Variants in LPGAT1 observed in about 807,000 individuals in gnomAD.
The protein encoded by LPGAT1 is lysophosphatidylglycerol acyltransferase 1.
Under a neutral mutation model 47.5 loss-of-function variants are expected in LPGAT1, and 11 were observed. The observed-to-expected ratio is 0.23, with a 90% confidence interval of 0.15 to 0.38. LPGAT1 has a LOEUF of 0.38. Among genes scored for constraint, LPGAT1 ranks in the 10% least tolerant of loss-of-function variants. LPGAT1 has a pLI of 1.00. For synonymous variants in LPGAT1, 138 were observed against 144.2 expected (o/e 0.96, Z 0.31); for missense variants, 293 against 439.0 (o/e 0.67, Z 2.97).
chr1:211,800,318 GC>G (rs1659524447), intron 2 of LPGAT1, among the ~76,000 whole-genome samples: 1 of 151,744 alleles, frequency 6.6e-6, no homozygotes, highest in Admixed American at 6.6e-5. Flanking sequence ...ACCATGCCTG[GC>G]CCTCTCTACT....
chr1:211,824,643 G>C (rs970053781), intron 2 of LPGAT1, among the ~76,000 whole-genome samples: 8 of 152,108 alleles, frequency 5.3e-5, no homozygotes, highest in African/African-American at 1.7e-4. Flanking sequence ...TGCACTTATA[G>C]TAAAAAATAC....
intron 6 of LPGAT1, among the ~76,000 whole-genome samples, chr1:211,764,810 C>T (rs1371960466): frequency 2.0e-5 from 3 of 152,138 alleles, no homozygotes; most frequent in African/African-American, 7.2e-5. Context: ...GACATACCAG[C>T]AGATACTTTT....
chr1:211,822,787 A>G (rs1660408373), intron 2 of LPGAT1, among the ~76,000 whole-genome samples: 1 of 152,118 alleles, frequency 6.6e-6, no homozygotes, highest in African/African-American at 2.4e-5. Context: ...CAAAAAAAAA[A>G]AAAAAATCAG....
At chr1:211,800,608 G>C (rs7526682) in intron 2 of LPGAT1, among the ~76,000 whole-genome samples, 135,278 of 152,224 alleles carry the variant, frequency 0.89, 60,238 homozygotes, top group African/African-American at 0.96. Flanking sequence ...GGCATTTTGG[G>C]TGAAGCAATT....
intron 2 of LPGAT1, among the ~76,000 whole-genome samples, chr1:211,802,268 T>C (rs942661674): frequency 6.6e-6 from 1 of 151,968 alleles, no homozygotes; most frequent in African/African-American, 2.4e-5. Flanking sequence ...GTTAGCCTAA[T>C]TAGGCTAACA....
rs567603505 is a variant in LPGAT1 at position 211,819,899 on chromosome 1, G to A, written c.238+9160C>T. 3.9e-5 allele frequency among the ~76,000 whole-genome samples: 6 copies of A among 152,044 alleles called. No homozygotes were observed. In the East Asian group the frequency reaches 5.8e-4, roughly 15 times the overall value. On this transcript the variant is annotated intron_variant, in intron 2 of 7. Coordinates refer to ENST00000366997, the MANE Select transcript of LPGAT1 (RefSeq NM_014873.3). Reference sequence around the variant, plus strand: ...ACTCGGGAGGCTGAGGCAGAGAATCGCTTGAACCCAGGAGGCAAGAGGTTG... The same window carrying A: ...ACTCGGGAGGCTGAGGCAGAGAATCACTTGAACCCAGGAGGCAAGAGGTTG...
At chr1:211,770,878 C>G (rs1261535385) in intron 6 of LPGAT1, among the ~76,000 whole-genome samples, 3 of 152,124 alleles carry the variant, frequency 2.0e-5, no homozygotes, top group Non-Finnish European at 4.4e-5. Flanking sequence ...GGGTGGATCA[C>G]TTGACCCCAG....
intron 6 of LPGAT1, among the ~76,000 whole-genome samples, chr1:211,751,341 C>A (rs529095819): frequency 5.3e-5 from 8 of 152,296 alleles, no homozygotes; most frequent in Admixed American, 2.0e-4. Flanking sequence ...TACCTTATAT[C>A]TATGAATAAC....
chr1:211,779,656 G>A (rs1173546032), intron 5 of LPGAT1, among the ~76,000 whole-genome samples: 4 of 151,942 alleles, frequency 2.6e-5, no homozygotes, highest in Admixed American at 6.6e-5. Flanking sequence ...TTCAAGACTG[G>A]CCTGGCCAGC....
chr1:211,830,336 GA>G lies in LPGAT1; in HGVS notation c.-28+236del. 1 of 1,134,418 alleles carries G rather than the reference GA, an allele frequency of 8.8e-7. No individual in the cohort carries two copies. The highest frequency in any genetic ancestry group is 1.1e-6 in the Non-Finnish European group (1 of 925,632). The allele number at this position is 1,134,418 out of a possible 1,614,324, so 70.3% of individuals were successfully genotyped here. The stretch of plus-strand genomic sequence containing the variant: ...CCTACTCCCCTCGCGGCTGCCTGCG[GA>G]CAGAGGGACGGCGGGGACTCAGAGG... On this transcript the variant is annotated intron_variant, in intron 1 of 7. Coordinates refer to ENST00000366997, the MANE Select transcript of LPGAT1 (RefSeq NM_014873.3). The surrounding 1 kb of genome is among the most constrained non-coding windows in gnomAD (Gnocchi z 5.9).
At chr1:211,751,955 C>T (rs184522313) in intron 6 of LPGAT1, among the ~76,000 whole-genome samples, 89 of 152,244 alleles carry the variant, frequency 5.8e-4, no homozygotes, top group African/African-American at 2.0e-3. Flanking sequence ...CTACTGACTT[C>T]CCAGTATGGA....
chr1:211,786,035 G>A (rs1658865543), intron 4 of LPGAT1, among the ~76,000 whole-genome samples: 1 of 152,190 alleles, frequency 6.6e-6, no homozygotes, highest in Non-Finnish European at 1.5e-5. Context: ...AGACTGCTAA[G>A]CTTTCTAATT....
chr1:211,808,404 A>T (rs1475823924), intron 2 of LPGAT1, among the ~76,000 whole-genome samples: 1 of 152,012 alleles, frequency 6.6e-6, no homozygotes, highest in Non-Finnish European at 1.5e-5. Flanking sequence ...AAACTACCCA[A>T]TTAAAAAAAT....
At chr1:211,758,473 T>C (rs1486609951) in intron 6 of LPGAT1, among the ~76,000 whole-genome samples, 1 of 152,060 alleles carries the variant, frequency 6.6e-6, no homozygotes, top group Non-Finnish European at 1.5e-5. Context: ...GAGGCTGAGG[T>C]GGGCAGACCA....
chr1:211,784,789 T>C (rs1172123401), intron 4 of LPGAT1, among the ~76,000 whole-genome samples: 3 of 147,808 alleles, frequency 2.0e-5, no homozygotes, highest in Non-Finnish European at 4.5e-5. Context: ...CAACTAAATA[T>C]CACAAAGGTT....
chr1:211,800,813 C>T (rs1281811399), intron 2 of LPGAT1, among the ~76,000 whole-genome samples: 4 of 152,202 alleles, frequency 2.6e-5, no homozygotes, highest in Non-Finnish European at 4.4e-5. Flanking sequence ...ATCATCCTAA[C>T]AACATTAGGA....
chr1:211,808,987 G>C lies in LPGAT1; in HGVS notation c.239-15797C>G, dbSNP rs970972636. On this transcript the variant is annotated intron_variant, in intron 2 of 7. Transcript: ENST00000366997. ...CTGAGGTGGGCGGATCACGAGGTCA[G>C]GAGATCGAGACCATCCTGGCTAACA... Among the ~76,000 whole-genome samples the C allele has an allele frequency of 1.1e-4, 17 of 151,916 alleles. 1 individual carries two copies. Among genetic ancestry groups the C allele is most frequent in the Admixed American group, 7.2e-4 (11 of 15,276 alleles).
At chr1:211,750,148 AAG>A in intron 7 of LPGAT1, 98 bp from the exon 8 acceptor site, 1 of 1,056,632 alleles carries the variant, frequency 9.5e-7, no homozygotes, top group Non-Finnish European at 1.4e-6. Context: ...GTACATGTTA[AAG>A]CACCTTCAGT....
intron 6 of LPGAT1, among the ~76,000 whole-genome samples, chr1:211,777,921 A>G (rs1658471847): frequency 6.6e-6 from 1 of 152,202 alleles, no homozygotes; most frequent in African/African-American, 2.4e-5. Flanking sequence ...AACCAGCTAA[A>G]AACCACCAAA....
Sources: gnomAD v4.1 joint callset for allele counts (sites outside exome capture counted in the v4.1 genomes callset) on GRCh38, gnomAD v4.1.1 for gene constraint, Gnocchi (gnomAD v3.1) non-coding constraint, MANE v1.5 for transcripts, NCBI Gene and HGNC (gene_info 2026-07-23, HGNC 2026-07-21) for gene names.